RYK: variants seen among roughly 807,000 people sequenced by gnomAD.
RYK encodes the protein receptor like tyrosine kinase.
RYK carries 21 observed loss-of-function variants against 70.2 expected under a neutral mutation model. The observed-to-expected ratio is 0.30, with a 90% CI of 0.21 to 0.43. The LOEUF (loss-of-function observed/expected upper bound fraction) is 0.43, where lower values mean the gene tolerates loss of function less well. Ranked by LOEUF, RYK falls within the 20% of genes least tolerant of loss-of-function variation. RYK has a pLI of 1.00. For synonymous variants in RYK, 267 were observed against 278.0 expected, an observed-to-expected ratio of 0.96 and a Z score of 0.39; for missense variants, 604 against 753.3, an observed-to-expected ratio of 0.80 and a Z score of 2.32.
intron 6 of RYK, among the ~76,000 whole-genome samples, chr3:134,196,723 G>T (rs2013829594): frequency 6.6e-6 from 1 of 151,686 alleles, no homozygotes. Context: ...TAACATCCAG[G>T]CAATGAGGAC....
chr3:134,227,763 G>C (rs937466707), intron 1 of RYK, among the ~76,000 whole-genome samples: 2 of 151,930 alleles, frequency 1.3e-5, no homozygotes, highest in Admixed American at 6.6e-5. Flanking sequence ...TCTGCCTCCC[G>C]GGTTCACGCC....
At chr3:134,160,458 T>C (rs558523295) in intron 13 of RYK, among the ~76,000 whole-genome samples, 3,600 of 152,186 alleles carry the variant, frequency 0.024, 134 homozygotes, top group African/African-American at 0.082. Flanking sequence ...AACAACAAAA[T>C]CCCAAAATAC....
intron 1 of RYK, among the ~76,000 whole-genome samples, chr3:134,245,687 C>A (rs899457980): frequency 2.6e-5 from 4 of 152,148 alleles, no homozygotes; most frequent in Admixed American, 2.0e-4. Flanking sequence ...AGCCAGAAGT[C>A]GAAGGCTACA....
intron 13 of RYK, 112 bp from the exon 14 acceptor site, chr3:134,159,485 A>AAGC (rs2012377498): frequency 1.9e-6 from 2 of 1,037,544 alleles, no homozygotes; most frequent in African/African-American, 3.2e-5. Context: ...TGCTTTGGAA[A>AAGC]AGCGAAATGT....
chr3:134,188,592 G>A (rs1483201727), intron 9 of RYK, among the ~76,000 whole-genome samples: 1 of 152,188 alleles, frequency 6.6e-6, no homozygotes, highest in Admixed American at 6.5e-5. Flanking sequence ...GCAATTAACT[G>A]AGTAATATCT....
chr3:134,229,108 C>G (rs976844286), intron 1 of RYK, among the ~76,000 whole-genome samples: 8 of 152,196 alleles, frequency 5.3e-5, no homozygotes, highest in African/African-American at 1.7e-4. Flanking sequence ...AAAACCCAAT[C>G]TGAGATATAA....
intron 1 of RYK, among the ~76,000 whole-genome samples, chr3:134,235,874 T>G (rs2015186719): frequency 6.6e-6 from 1 of 152,096 alleles, no homozygotes; most frequent in Non-Finnish European, 1.5e-5. Context: ...TAACTCTTTA[T>G]GAGACTAGGA....
intron 1 of RYK, among the ~76,000 whole-genome samples, chr3:134,246,955 C>T (rs1236702982): frequency 6.6e-6 from 1 of 151,560 alleles, no homozygotes; most frequent in Non-Finnish European, 1.5e-5. Context: ...AACCAAGTGG[C>T]ACTGATAGAT....
intron 7 of RYK, among the ~76,000 whole-genome samples, chr3:134,193,943 T>C (rs938972677): frequency 6.6e-6 from 1 of 152,172 alleles, no homozygotes; most frequent in African/African-American, 2.4e-5. Flanking sequence ...GTACATCATA[T>C]CCTTGGGTAC....
At chr3:134,175,897 A>C in intron 12 of RYK, 33 bp downstream of exon 12, 1 of 1,559,638 alleles carries the variant, frequency 6.4e-7, no homozygotes, top group East Asian at 2.3e-5. Flanking sequence ...AGCACTCTAC[A>C]TCAAGTGACA....
intron 2 of RYK, among the ~76,000 whole-genome samples, chr3:134,220,329 CATA>C (rs2014697272): frequency 6.6e-6 from 1 of 152,028 alleles, no homozygotes; most frequent in African/African-American, 2.4e-5. Context: ...TAGATAATAA[CATA>C]ATAATGTCAA....
intron 6 of RYK, among the ~76,000 whole-genome samples, chr3:134,196,063 A>G (rs142566320): frequency 3.4e-3 from 520 of 152,282 alleles, no homozygotes; most frequent in African/African-American, 0.012. Context: ...TAGTACTTGA[A>G]ACACTACACC....
intron 11 of RYK, among the ~76,000 whole-genome samples, chr3:134,176,795 A>T (rs1310425646): frequency 6.6e-6 from 1 of 152,170 alleles, no homozygotes; most frequent in Non-Finnish European, 1.5e-5. Flanking sequence ...TCACATTTGT[A>T]ATCCCAGCAC....
In RYK at chr3:134,207,500, G is replaced by A. The variant is rs746101671; in HGVS notation, c.615C>T (p.Ala205=). 33 of 1,541,070 alleles carry A rather than the reference G, an allele frequency of 2.1e-5. No individual in the cohort carries two copies. The African/African-American group carries it at 4.1e-4, about 19-fold the overall frequency. ...TAGTTCTGCTAGTGTTTTTGTCCAA[G>A]GCTGAAGTTTTTACTTCTTCAAGTT... ...YKKLEEVKTS[A]LDKNTSRTIY... The change falls in exon 5 of 15, where the codon GCC becomes GCT. Residue 205 remains alanine, a synonymous_variant. Transcript: ENST00000623711.
rs145145554 is a variant in RYK at position 134,165,465 on chromosome 3, C to T, written c.1576-6092G>A. 1.1e-3 allele frequency among the ~76,000 whole-genome samples: 173 copies of T among 152,344 alleles called. 1 individual carries two copies. The highest frequency in any genetic ancestry group is 3.5e-3 in the African/African-American group (146 of 41,580). ...ATAAAAACAATTCAGCCTTTCACCA[C>T]TAAATATGTTAGCTATAGGTTTTTC... On this transcript the variant is annotated intron_variant, in intron 13 of 14. Coordinates refer to ENST00000623711, the MANE Select transcript of RYK (RefSeq NM_002958.4).
At chr3:134,246,193 C>T (rs1385524584) in intron 1 of RYK, among the ~76,000 whole-genome samples, 1 of 151,232 alleles carries the variant, frequency 6.6e-6, no homozygotes, top group East Asian at 1.9e-4. Flanking sequence ...TCCCCCCCTC[C>T]CACTCCTTCC....
intron 2 of RYK, among the ~76,000 whole-genome samples, chr3:134,222,214 T>C (rs573278650): frequency 1.3e-5 from 2 of 152,374 alleles, no homozygotes; most frequent in African/African-American, 2.4e-5. Context: ...AATTAAATGA[T>C]AGCCACCTTC....
intron 2 of RYK, among the ~76,000 whole-genome samples, chr3:134,218,304 C>T (rs1172671447): frequency 1.3e-5 from 2 of 152,340 alleles, no homozygotes; most frequent in African/African-American, 4.8e-5. Flanking sequence ...CTTCTACCTG[C>T]ACATCTCTTC....
intron 13 of RYK, among the ~76,000 whole-genome samples, chr3:134,161,753 T>A (rs1332673702): frequency 6.6e-6 from 1 of 151,198 alleles, no homozygotes; most frequent in Non-Finnish European, 1.5e-5. Context: ...TTAAAGATAC[T>A]GAATTCACAA....
Sources: allele counts gnomAD v4.1 joint callset (sites outside exome capture counted in the v4.1 genomes callset), GRCh38; gene constraint gnomAD v4.1.1; transcripts MANE v1.5; gene names NCBI Gene and HGNC (gene_info 2026-07-23, HGNC 2026-07-21).